Variants in CWC27 observed in about 807,000 individuals in gnomAD.
The protein encoded by CWC27 is CWC27 spliceosome associated cyclophilin.
CWC27 carries 47 observed loss-of-function variants against 63.6 expected under a neutral mutation model. The observed-to-expected ratio is 0.74, with a 90% CI of 0.58 to 0.94. CWC27 has a LOEUF of 0.94. CWC27 is among the 40% of genes least tolerant of loss of function. The pLI is 0.00. For synonymous variants in CWC27, 175 were observed against 179.8 expected (o/e 0.97, Z 0.22); for missense variants, 495 against 554.3 (o/e 0.89, Z 1.07).
intron 10 of CWC27, among the ~76,000 whole-genome samples, chr5:64,830,458 C>G (rs1745489079): frequency 6.6e-6 from 1 of 151,942 alleles, no homozygotes; most frequent in Non-Finnish European, 1.5e-5. Flanking sequence ...AATGTTAGAC[C>G]TAAAACCATA....
intron 10 of CWC27, among the ~76,000 whole-genome samples, chr5:64,877,093 T>G (rs1055177860): frequency 2.6e-5 from 4 of 152,010 alleles, no homozygotes; most frequent in Non-Finnish European, 5.9e-5. Context: ...AATTGTTATA[T>G]CAAAGGGATA....
intron 11 of CWC27, among the ~76,000 whole-genome samples, chr5:64,945,693 T>C (rs1748578758): frequency 6.6e-6 from 1 of 152,170 alleles, no homozygotes; most frequent in South Asian, 2.1e-4. Flanking sequence ...CTAACAGAGC[T>C]GATAGGACCT....
chr5:64,982,477 C>T (rs1443036888), intron 13 of CWC27, among the ~76,000 whole-genome samples: 1 of 151,830 alleles, frequency 6.6e-6, no homozygotes, highest in East Asian at 1.9e-4. Context: ...CATACACCAC[C>T]ATACTCGGCT....
intron 13 of CWC27, among the ~76,000 whole-genome samples, chr5:65,016,472 AAAT>A (rs917634770): frequency 5.9e-5 from 9 of 151,858 alleles, no homozygotes; most frequent in East Asian, 1.9e-4. Context: ...CTCATCTCAA[AAAT>A]AATAATAATA....
chr5:64,904,984 T>C (rs558269058), intron 11 of CWC27, among the ~76,000 whole-genome samples: 2 of 152,114 alleles, frequency 1.3e-5, no homozygotes, highest in Non-Finnish European at 2.9e-5. Flanking sequence ...GTGGATCACC[T>C]GAGGTCAGGA....
intron 7 of CWC27, among the ~76,000 whole-genome samples, chr5:64,795,600 A>T (rs1744239015): frequency 6.6e-6 from 1 of 152,070 alleles, no homozygotes; most frequent in African/African-American, 2.4e-5. Context: ...AGCCAGCAAT[A>T]ACTGGTGAAG....
chr5:64,775,705 A>T (rs1170227160), intron 2 of CWC27, among the ~76,000 whole-genome samples: 2 of 152,032 alleles, frequency 1.3e-5, no homozygotes, highest in African/African-American at 4.8e-5. Flanking sequence ...TTCTTTTTTT[A>T]AAATGCTGCA....
chr5:64,807,761 A>T (rs1744738757), intron 10 of CWC27: 1 of 1,535,788 alleles, frequency 6.5e-7, no homozygotes, highest in African/African-American at 1.4e-5. Context: ...TCACACTTCA[A>T]ACTCACTCAA....
At chr5:64,882,312 A>G (rs1202335119) in intron 10 of CWC27, among the ~76,000 whole-genome samples, 1 of 152,198 alleles carries the variant, frequency 6.6e-6, no homozygotes, top group East Asian at 1.9e-4. Flanking sequence ...GAGAAGGAAC[A>G]AATTTGGGCA....
rs1270137840 is a variant in CWC27, at chr5:64,990,253, T to G, written c.1256+13015T>G. On this transcript the variant is annotated intron_variant, in intron 13 of 13. Transcript: ENST00000381070. ...GAGTTTTTATTTGTTTTTTTTTTGT[T>G]TTTTTTTTTTTTGTTTTTTTTTTTT... Among the ~76,000 whole-genome samples, 13 of 41,204 alleles carry G rather than the reference T, an allele frequency of 3.2e-4. 3 individuals are homozygous for G. The highest frequency in any genetic ancestry group is 6.2e-4 in the Non-Finnish European group (12 of 19,502). The allele number at this position is 41,204 out of a possible 152,430, so 27.0% of individuals were successfully genotyped here.
intron 11 of CWC27, among the ~76,000 whole-genome samples, chr5:64,914,463 C>T (rs924227862): frequency 6.6e-6 from 1 of 151,928 alleles, no homozygotes; most frequent in Non-Finnish European, 1.5e-5. Flanking sequence ...CAAAGAAAAA[C>T]GGGCAAGAGA....
chr5:64,841,746 G>T (rs1441757315), intron 10 of CWC27, among the ~76,000 whole-genome samples: 2 of 152,162 alleles, frequency 1.3e-5, no homozygotes, highest in African/African-American at 4.8e-5. Context: ...CACAATCGCG[G>T]CTCACTGCAA....
rs1018676883 is a variant in CWC27 at position 64,830,001 on chromosome 5, AT to A, written c.938+25624del. Among the ~76,000 whole-genome samples, 579 of 114,306 alleles carry A rather than the reference AT, an allele frequency of 5.1e-3. 3 individuals carry two copies. The highest frequency in any genetic ancestry group is 6.6e-3 in the Non-Finnish European group (359 of 54,728). 75.0% of individuals were successfully genotyped at this position (114,306 alleles called of 152,430 possible). ...TCTTTTTTTTTTTTTTCGCTATGCC[AT>A]TTTTTTTTCTTTTCTTTTCCATTCT... On this transcript the variant is annotated intron_variant, in intron 10 of 13. Transcript: ENST00000381070.
At chr5:64,845,702 A>C (rs1004641732) in intron 10 of CWC27, among the ~76,000 whole-genome samples, 1 of 152,224 alleles carries the variant, frequency 6.6e-6, no homozygotes, top group Non-Finnish European at 1.5e-5. Context: ...AAGACAAAAG[A>C]GTGAAAAAGA....
intron 10 of CWC27, chr5:64,808,221 C>A: frequency 2.0e-6 from 2 of 1,008,152 alleles, no homozygotes; most frequent in Non-Finnish European, 2.4e-6. Context: ...TTTTTGTGTG[C>A]ATTAGTTTGA....
intron 11 of CWC27, among the ~76,000 whole-genome samples, chr5:64,890,874 AG>A (rs1747215122): frequency 6.6e-6 from 1 of 152,218 alleles, no homozygotes; most frequent in Admixed American, 6.5e-5. Flanking sequence ...AAGAGAAGCC[AG>A]AAAAGGCACT....
At chr5:64,946,295 T>C (rs935183842) in intron 11 of CWC27, among the ~76,000 whole-genome samples, 3 of 152,174 alleles carry the variant, frequency 2.0e-5, no homozygotes, top group African/African-American at 4.8e-5. Flanking sequence ...ATTAGCTATG[T>C]ACATATACAG....
intron 6 of CWC27, among the ~76,000 whole-genome samples, chr5:64,788,646 C>G (rs570062432): frequency 5.9e-5 from 9 of 151,910 alleles, no homozygotes; most frequent in Admixed American, 4.6e-4. Context: ...TATAAAAAAG[C>G]TTAATTATTT....
chr5:64,854,479 C>T (rs1005785434), intron 10 of CWC27, among the ~76,000 whole-genome samples: 1 of 152,120 alleles, frequency 6.6e-6, no homozygotes, highest in Non-Finnish European at 1.5e-5. Flanking sequence ...AAATAGTGAC[C>T]ATTTTAAGAG....
Sources: gnomAD v4.1 joint callset for allele counts (sites outside exome capture counted in the v4.1 genomes callset) on GRCh38, gnomAD v4.1.1 for gene constraint, MANE v1.5 for transcripts, NCBI Gene and HGNC (gene_info 2026-07-23, HGNC 2026-07-21) for gene names.